The following PRKCA variants were observed in gnomAD, a reference collection of about 807,000 sequenced individuals.
PRKCA encodes protein kinase C alpha type.
A neutral mutation model predicts 87.0 loss-of-function variants in PRKCA; 27 were observed. The observed-to-expected ratio is 0.31, with a 90% CI of 0.23 to 0.43. PRKCA has a LOEUF of 0.43. PRKCA is among the 20% of genes least tolerant of loss of function. The pLI is 1.00. For synonymous variants in PRKCA, 329 were observed against 311.1 expected (o/e 1.06, Z -0.61); for missense variants, 518 against 852.3 (o/e 0.61, Z 4.88).
At chr17:66,425,781 G>A (rs1912769782) in intron 2 of PRKCA, among the ~76,000 whole-genome samples, 1 of 152,080 alleles carries the variant, frequency 6.6e-6, no homozygotes, top group Non-Finnish European at 1.5e-5. Flanking sequence ...AGGTATGTGC[G>A]ACATGGTAAC....
At chr17:66,493,129 A>G (rs995821555) in intron 2 of PRKCA, among the ~76,000 whole-genome samples, 8 of 152,244 alleles carry the variant, frequency 5.3e-5, no homozygotes, top group African/African-American at 1.7e-4. Flanking sequence ...GTGACATGGT[A>G]TCATGAGTAC....
intron 3 of PRKCA, among the ~76,000 whole-genome samples, chr17:66,610,523 T>G (rs1970329660): frequency 1.3e-5 from 2 of 152,086 alleles, no homozygotes; most frequent in Admixed American, 1.3e-4. Context: ...AGTCACCCCA[T>G]GATAACAAAA....
chr17:66,715,186 C>T (rs888081282), intron 8 of PRKCA, among the ~76,000 whole-genome samples: 5 of 151,528 alleles, frequency 3.3e-5, no homozygotes, highest in African/African-American at 1.2e-4. Context: ...CTTTCTGCAG[C>T]AGCTGCACAG....
rs1464332363 is a variant in PRKCA, at chr17:66,432,585, C to CT, written c.206-63612dup. Among the ~76,000 whole-genome samples the CT allele has an allele frequency of 3.3e-5, 5 of 152,256 alleles. No homozygotes were observed. In the East Asian group the frequency reaches 9.7e-4, roughly 29 times the overall value. ...ACTACGGCTTAGGGAGGTCATGGGG[C>CT]TTTTCTAAGTTCCTGTATTTGGCCA... On this transcript the variant is annotated intron_variant, in intron 2 of 16. Transcript: ENST00000413366.
chr17:66,412,134 C>T (rs1911847218), intron 2 of PRKCA, among the ~76,000 whole-genome samples: 1 of 151,898 alleles, frequency 6.6e-6, no homozygotes, highest in South Asian at 2.1e-4. Flanking sequence ...TGCAGTGGCA[C>T]GATCACTGCT....
At chr17:66,479,998 T>TAA (rs5821521) in intron 2 of PRKCA, among the ~76,000 whole-genome samples, 4 of 144,778 alleles carry the variant, frequency 2.8e-5, no homozygotes, top group Non-Finnish European at 6.2e-5. Flanking sequence ...CCCCTGAACT[T>TAA]AAAAAAAAAA....
At chr17:66,563,552 G>A (rs1038291854) in intron 3 of PRKCA, among the ~76,000 whole-genome samples, 1 of 152,154 alleles carries the variant, frequency 6.6e-6, no homozygotes, top group African/African-American at 2.4e-5. Context: ...GGTATACCAT[G>A]GTTTATCCAT....
At chr17:66,479,473 C>G (rs540474426) in intron 2 of PRKCA, among the ~76,000 whole-genome samples, 1 of 152,268 alleles carries the variant, frequency 6.6e-6, no homozygotes, top group South Asian at 2.1e-4. Flanking sequence ...AAAAGCAGAA[C>G]TGCCATTTGA....
At chr17:66,456,385 T>A (rs1914574829) in intron 2 of PRKCA, among the ~76,000 whole-genome samples, 1 of 152,176 alleles carries the variant, frequency 6.6e-6, no homozygotes, top group African/African-American at 2.4e-5. Flanking sequence ...AATTTCCTCT[T>A]GTCCAACCCA....
chr17:66,527,561 G>T (rs770946929), intron 3 of PRKCA, among the ~76,000 whole-genome samples: 2 of 152,008 alleles, frequency 1.3e-5, no homozygotes, highest in Non-Finnish European at 2.9e-5. Flanking sequence ...GCACTGATCC[G>T]CTCTGCCTGC....
At chr17:66,497,566 A>G (rs1238587044) in intron 3 of PRKCA, among the ~76,000 whole-genome samples, 1 of 152,140 alleles carries the variant, frequency 6.6e-6, no homozygotes, top group Admixed American at 6.5e-5. Flanking sequence ...GGATAGAGAG[A>G]AACTTCAGCT....
chr17:66,582,631 C>CT (rs1969480012), intron 3 of PRKCA, among the ~76,000 whole-genome samples: 2 of 143,760 alleles, frequency 1.4e-5, no homozygotes, highest in African/African-American at 5.3e-5. Context: ...AACCTCTTTC[C>CT]TTTATACATT....
At chr17:66,653,211 A>T (rs9911959) in intron 5 of PRKCA, among the ~76,000 whole-genome samples, 2 of 152,132 alleles carry the variant, frequency 1.3e-5, no homozygotes, top group South Asian at 4.1e-4. Flanking sequence ...AAGAGCTTGT[A>T]TATGACCCCC....
At chr17:66,619,453 T>G (rs1348329553) in intron 3 of PRKCA, among the ~76,000 whole-genome samples, 1 of 152,226 alleles carries the variant, frequency 6.6e-6, no homozygotes, top group Non-Finnish European at 1.5e-5. Context: ...GTTGGGTTTT[T>G]TCCTCTGGAA....
chr17:66,412,174 T>C (rs967341926), intron 2 of PRKCA, among the ~76,000 whole-genome samples: 1 of 151,996 alleles, frequency 6.6e-6, no homozygotes, highest in South Asian at 2.1e-4. Context: ...TGAGCTCAGG[T>C]GATCCTCCCA....
chr17:66,499,302 G>A (rs1015853382), intron 3 of PRKCA, among the ~76,000 whole-genome samples: 4 of 152,100 alleles, frequency 2.6e-5, no homozygotes, highest in Non-Finnish European at 5.9e-5. Flanking sequence ...AGAAGGGGCA[G>A]CCAGAAAAGT....
At chr17:66,757,893 GT>G (rs750127180) in intron 13 of PRKCA, among the ~76,000 whole-genome samples, 1 of 151,998 alleles carries the variant, frequency 6.6e-6, no homozygotes, top group African/African-American at 2.4e-5. Context: ...CCTGGCTAAT[GT>G]TTTTGTATTT....
chr17:66,587,203 A>G (rs79288773), intron 3 of PRKCA, among the ~76,000 whole-genome samples: 3,108 of 152,086 alleles, frequency 0.02, 117 homozygotes, highest in African/African-American at 0.071. Flanking sequence ...TTCTAACACA[A>G]TGTTTTCTTA....
intron 2 of PRKCA, among the ~76,000 whole-genome samples, chr17:66,480,749 C>A (rs1000914539): frequency 6.6e-6 from 1 of 151,510 alleles, no homozygotes; most frequent in East Asian, 1.9e-4. Context: ...TGCTTTTTCC[C>A]TCACCCACAG....
Sources: gnomAD v4.1 joint callset for allele counts (sites outside exome capture counted in the v4.1 genomes callset) on GRCh38, gnomAD v4.1.1 for gene constraint, MANE v1.5 for transcripts, NCBI Gene and HGNC (gene_info 2026-07-23, HGNC 2026-07-21) for gene names.